Variants in SGCZ observed in about 807,000 individuals in gnomAD.
SGCZ encodes sarcoglycan zeta.
Under a neutral mutation model 41.3 loss-of-function variants are expected in SGCZ, and 40 were observed. That is an observed-to-expected ratio of 0.97 (90% CI 0.75 to 1.26). The LOEUF is 1.26. SGCZ is among the 50% of genes most tolerant of loss of function. The pLI, the probability that SGCZ is intolerant of heterozygous loss-of-function variation, is 0.00. For missense variants in SGCZ, 552 were observed against 369.8 expected, an observed-to-expected ratio of 1.49 and a Z score of -4.04; for synonymous variants, 206 against 137.5, an observed-to-expected ratio of 1.50 and a Z score of -3.49.
At chr8:14,117,808 C>G (rs1802571309) in intron 5 of SGCZ, among the ~76,000 whole-genome samples, 1 of 151,390 alleles carries the variant, frequency 6.6e-6, no homozygotes, top group Non-Finnish European at 1.5e-5. Flanking sequence ...TTGTTCAATT[C>G]CCACTTATGA....
At chr8:15,234,032 G>C (rs1290939067) in intron 1 of SGCZ, among the ~76,000 whole-genome samples, 3 of 152,106 alleles carry the variant, frequency 2.0e-5, no homozygotes, top group Non-Finnish European at 4.4e-5. Context: ...TATTTTAAAA[G>C]ATGAGTAAAA....
At chr8:14,720,922 TA>T (rs1809865300) in intron 1 of SGCZ, among the ~76,000 whole-genome samples, 1 of 146,990 alleles carries the variant, frequency 6.8e-6, no homozygotes, top group Non-Finnish European at 1.5e-5. Context: ...GTTTTTTTTT[TA>T]ATTTTTTTTA....
At chr8:14,530,093 C>A (rs1396972918) in intron 2 of SGCZ, among the ~76,000 whole-genome samples, 5 of 151,946 alleles carry the variant, frequency 3.3e-5, no homozygotes, top group Non-Finnish European at 7.4e-5. Context: ...ATAAATATTT[C>A]CACATTTTCC....
At chr8:14,886,030 T>TAC (rs1350136951) in intron 1 of SGCZ, among the ~76,000 whole-genome samples, 1,065 of 98,906 alleles carry the variant, frequency 0.011, 34 homozygotes, top group African/African-American at 0.015. Context: ...TATATATATA[T>TAC]ATATAAAATT....
At chr8:14,330,937 C>A (rs1249333218) in intron 2 of SGCZ, among the ~76,000 whole-genome samples, 1 of 151,968 alleles carries the variant, frequency 6.6e-6, no homozygotes, top group Admixed American at 6.5e-5. Flanking sequence ...AGCAAATATA[C>A]ATTTTAGACA....
chr8:14,906,111 TAA>T (rs1304231422), intron 1 of SGCZ, among the ~76,000 whole-genome samples: 1 of 152,078 alleles, frequency 6.6e-6, no homozygotes, highest in African/African-American at 2.4e-5. Flanking sequence ...ATTTGAGATA[TAA>T]GAGATAAATA....
intron 1 of SGCZ, among the ~76,000 whole-genome samples, chr8:15,031,221 G>T (rs1803648166): frequency 1.3e-5 from 2 of 151,926 alleles, no homozygotes; most frequent in South Asian, 4.2e-4. Flanking sequence ...TATTTCCCAG[G>T]ATGGCAGAAT....
intron 1 of SGCZ, among the ~76,000 whole-genome samples, chr8:15,067,093 G>C (rs1342591011): frequency 1.3e-5 from 2 of 152,134 alleles, no homozygotes; most frequent in African/African-American, 4.8e-5. Flanking sequence ...GTAGATGATT[G>C]TGTGTAAATG....
At chr8:14,537,942 G>T (rs1269753875) in intron 2 of SGCZ, among the ~76,000 whole-genome samples, 1 of 151,780 alleles carries the variant, frequency 6.6e-6, no homozygotes, top group Non-Finnish European at 1.5e-5. Flanking sequence ...CGTTTGCTTT[G>T]CTTTGTTTTA....
At position 14,294,684 on chromosome 8, in the gene SGCZ, G is replaced by C. The variant is rs1405433363; in HGVS notation, c.336+29419C>G. Among the ~76,000 whole-genome samples the C allele has an allele frequency of 4.6e-5, 7 of 152,030 alleles. No homozygotes were observed. In the East Asian group the frequency reaches 1.2e-3, roughly 25 times the overall value. ...AAATCACATATATGACAAAGAACTT[G>C]TATGTAGAATAGGTAGGCAAATGTC... On this transcript the variant is annotated intron_variant, in intron 3 of 7. Coordinates refer to ENST00000382080, the MANE Select transcript of SGCZ (RefSeq NM_139167.4).
At chr8:14,358,042 T>C (rs1803358400) in intron 2 of SGCZ, among the ~76,000 whole-genome samples, 1 of 152,156 alleles carries the variant, frequency 6.6e-6, no homozygotes, top group African/African-American at 2.4e-5. Flanking sequence ...TGTTTATGCA[T>C]GTATTCGTGC....
At chr8:14,599,024 G>A (rs1444622272) in intron 1 of SGCZ, among the ~76,000 whole-genome samples, 1 of 152,022 alleles carries the variant, frequency 6.6e-6, no homozygotes, top group Non-Finnish European at 1.5e-5. Flanking sequence ...GGACATCTCA[G>A]ATTCTAAACC....
chr8:14,128,179 A>T (rs1485891122), intron 5 of SGCZ, among the ~76,000 whole-genome samples: 2 of 152,214 alleles, frequency 1.3e-5, no homozygotes, highest in African/African-American at 4.8e-5. Context: ...CAGTGCTTCG[A>T]TTCTACCACC....
chr8:15,091,540 A>G (rs1806153546), intron 1 of SGCZ, among the ~76,000 whole-genome samples: 1 of 152,218 alleles, frequency 6.6e-6, no homozygotes, highest in Non-Finnish European at 1.5e-5. Context: ...ATCAAAGTGT[A>G]TGCCAAAAAA....
intron 2 of SGCZ, among the ~76,000 whole-genome samples, chr8:14,449,462 A>G (rs1585529560): frequency 6.6e-6 from 1 of 152,128 alleles, no homozygotes; most frequent in East Asian, 1.9e-4. Context: ...TTGTACTTCT[A>G]TCATGCCCAT....
intron 2 of SGCZ, among the ~76,000 whole-genome samples, chr8:14,336,079 T>G (rs998791152): frequency 1.3e-5 from 2 of 152,020 alleles, no homozygotes; most frequent in African/African-American, 4.8e-5. Context: ...CCTTCCATCC[T>G]CTAGTAGACC....
At chr8:14,517,149 G>A (rs1233813491) in intron 2 of SGCZ, among the ~76,000 whole-genome samples, 1 of 151,972 alleles carries the variant, frequency 6.6e-6, no homozygotes, top group South Asian at 2.1e-4. Flanking sequence ...CCTGCCTTCA[G>A]ATCATCACAG....
intron 1 of SGCZ, among the ~76,000 whole-genome samples, chr8:15,040,019 G>A (rs1276575836): frequency 6.6e-6 from 1 of 152,178 alleles, no homozygotes; most frequent in Non-Finnish European, 1.5e-5. Context: ...TAACCAGCAA[G>A]TGATTGACTA....
rs146427241 is a variant in SGCZ, at chr8:14,177,498, TTTTG to T, written c.425-12800_425-12797del. Among the ~76,000 whole-genome samples the T allele has an allele frequency of 4.8e-4, 72 of 151,150 alleles. 2 individuals carry two copies. Among genetic ancestry groups the T allele is most frequent in the South Asian group, 2.3e-3 (11 of 4,788 alleles). On this transcript the variant is annotated intron_variant, in intron 4 of 7. Transcript: ENST00000382080. ...ATCTTTTAAAGCTATCTGTTTCCTT[TTTTG>T]TTTGTTTGTTTGTTTGTTTGTTTTT...
Sources: allele counts gnomAD v4.1 joint callset (sites outside exome capture counted in the v4.1 genomes callset), GRCh38; gene constraint gnomAD v4.1.1; transcripts MANE v1.5; gene names NCBI Gene and HGNC (gene_info 2026-07-23, HGNC 2026-07-21).